Variants in NXPE4 observed in about 807,000 individuals in gnomAD.
NXPE4 encodes neurexophilin and PC-esterase domain family member 4, also known as NXPE family member 4.
A neutral mutation model predicts 33.3 loss-of-function variants in NXPE4; 42 were observed. That is an observed-to-expected ratio of 1.26 (90% CI 0.98 to 1.63). The LOEUF (loss-of-function observed/expected upper bound fraction) is 1.63. NXPE4 is among the 40% of genes most tolerant of loss of function. The pLI is 0.00. For missense variants in NXPE4, 709 were observed against 647.6 expected, an observed-to-expected ratio of 1.09 and a Z score of -1.03; for synonymous variants, 253 against 234.9, an observed-to-expected ratio of 1.08 and a Z score of -0.71.
chr11:114,597,887 G>T (rs559876228), upstream of NXPE4, among the ~76,000 whole-genome samples: 2 of 152,022 alleles, frequency 1.3e-5, no homozygotes, highest in Non-Finnish European at 2.9e-5. Flanking sequence ...TACAATCATT[G>T]TTCTCACATT....
the NXPE4 span, among the ~76,000 whole-genome samples, chr11:114,605,804 T>C: frequency 6.6e-6 from 1 of 151,634 alleles, no homozygotes; most frequent in Admixed American, 6.6e-5. Context: ...GCCTCTAGGG[T>C]TACCACTGTT....
chr11:114,587,336 G>A lies in NXPE4; in HGVS notation c.97-4315C>T, dbSNP rs1287330767. 4.6e-5 allele frequency among the ~76,000 whole-genome samples: 7 copies of A among 152,162 alleles called. No homozygotes were observed. In the South Asian group the frequency reaches 1.5e-3, roughly 32 times the overall value. On this transcript the variant is annotated intron_variant, in intron 2 of 5. Coordinates refer to ENST00000375478, the MANE Select transcript of NXPE4 (RefSeq NM_001077639.2). ...AAATAGTAAGAGGAATTTAATTCCG[G>A]AAGTTAACCAGAGCCACTGCCTAAG...
the NXPE4 span, among the ~76,000 whole-genome samples, chr11:114,624,734 C>G: frequency 0.016 from 2,412 of 152,184 alleles, 26 homozygotes; most frequent in Non-Finnish European, 0.022. Context: ...TAAGTATTGC[C>G]TCCAGGGTAA....
At chr11:114,602,678 A>C in the NXPE4 span, among the ~76,000 whole-genome samples, 1 of 141,936 alleles carries the variant, frequency 7.0e-6, no homozygotes, top group South Asian at 2.3e-4. Context: ...ACAGAATCAT[A>C]TGTAATAATT....
At chr11:114,598,577 T>C (rs1949604326), upstream of NXPE4, among the ~76,000 whole-genome samples, 1 of 152,252 alleles carries the variant, frequency 6.6e-6, no homozygotes, top group African/African-American at 2.4e-5. Flanking sequence ...TCTTGCACTC[T>C]GTGCACCTGC....
At chr11:114,668,661 T>C in the NXPE4 span, among the ~76,000 whole-genome samples, 3 of 151,998 alleles carry the variant, frequency 2.0e-5, no homozygotes, top group Admixed American at 2.0e-4. Flanking sequence ...ACTAGGAAGA[T>C]AAATGGGAGT....
At chr11:114,607,792 G>T in the NXPE4 span, among the ~76,000 whole-genome samples, 1 of 149,472 alleles carries the variant, frequency 6.7e-6, no homozygotes, top group South Asian at 2.1e-4. Flanking sequence ...ACACGGTGGA[G>T]AATAAGTGTT....
At chr11:114,674,576 C>CA in the NXPE4 span, among the ~76,000 whole-genome samples, 210 of 142,604 alleles carry the variant, frequency 1.5e-3, 3 homozygotes, top group East Asian at 0.013. Flanking sequence ...CATACCACCA[C>CA]AAAAAAAAAA....
At chr11:114,624,946 C>T in the NXPE4 span, among the ~76,000 whole-genome samples, 8 of 152,048 alleles carry the variant, frequency 5.3e-5, no homozygotes, top group Non-Finnish European at 1.0e-4. Context: ...CGTGTTGCCT[C>T]GTGAGTAACC....
the NXPE4 span, among the ~76,000 whole-genome samples, chr11:114,666,456 G>A: frequency 2.4e-4 from 36 of 151,982 alleles, no homozygotes; most frequent in African/African-American, 3.1e-4. Flanking sequence ...AGTATAAAAC[G>A]TGTATCCTCA....
the NXPE4 span, among the ~76,000 whole-genome samples, chr11:114,672,943 C>G: frequency 6.6e-6 from 1 of 151,092 alleles, no homozygotes; most frequent in Admixed American, 6.6e-5. Context: ...AAATTATAAG[C>G]CATCTAGACC....
the NXPE4 span, among the ~76,000 whole-genome samples, chr11:114,630,353 C>A: frequency 6.6e-6 from 1 of 151,788 alleles, no homozygotes; most frequent in Non-Finnish European, 1.5e-5. Flanking sequence ...GAACATAGCC[C>A]TCAGAAATAA....
rs1029077481 is a variant in NXPE4 at position 114,591,669 on chromosome 11, C to T, written c.96+2995G>A. On this transcript the variant is annotated intron_variant, in intron 2 of 5. Transcript: ENST00000375478. Reference sequence around the variant, plus strand: ...GTCAGAATATGGCAAGCTGTACTTTCCAGCCTCCAGCCAATGGAAAGTCCT... The same window carrying T: ...GTCAGAATATGGCAAGCTGTACTTTTCAGCCTCCAGCCAATGGAAAGTCCT... 2.0e-5 allele frequency among the ~76,000 whole-genome samples: 3 copies of T among 152,130 alleles called. No individual in the cohort carries two copies. The East Asian group carries it at 5.8e-4, about 29-fold the overall frequency.
At chr11:114,612,206 A>C in the NXPE4 span, among the ~76,000 whole-genome samples, 18 of 151,998 alleles carry the variant, frequency 1.2e-4, no homozygotes, top group African/African-American at 4.3e-4. Flanking sequence ...TACACGGTGG[A>C]GAATAAGTGT....
intron 5 of NXPE4, among the ~76,000 whole-genome samples, chr11:114,577,009 TTATA>T (rs56902026): frequency 0.64 from 73,545 of 115,670 alleles, 22,782 homozygotes; most frequent in East Asian, 0.76. Context: ...ATATATAAAG[TTATA>T]TATATATATA....
At chr11:114,583,775 G>A (rs1314614647) in intron 2 of NXPE4, 10 of 458,776 alleles carry the variant, frequency 2.2e-5, no homozygotes, top group East Asian at 1.1e-4. Context: ...GTATGTTGAC[G>A]TTGATATTCA....
At chr11:114,632,883 T>TAATTA in the NXPE4 span, among the ~76,000 whole-genome samples, 1 of 52,616 alleles carries the variant, frequency 1.9e-5, no homozygotes, top group Non-Finnish European at 3.3e-5. Flanking sequence ...TATAATTATA[T>TAATTA]ATTATATAAT....
chr11:114,634,620 C>G, the NXPE4 span, among the ~76,000 whole-genome samples: 1 of 151,968 alleles, frequency 6.6e-6, no homozygotes, highest in Non-Finnish European at 1.5e-5. Context: ...GTCTTTAATA[C>G]ATTTTGAATT....
the NXPE4 span, among the ~76,000 whole-genome samples, chr11:114,675,751 C>A: frequency 6.6e-6 from 1 of 151,780 alleles, no homozygotes; most frequent in Non-Finnish European, 1.5e-5. Flanking sequence ...AGTAATAATT[C>A]TGAAACTTAC....
Sources: gnomAD v4.1 joint callset for allele counts (sites outside exome capture counted in the v4.1 genomes callset) on GRCh38, gnomAD v4.1.1 for gene constraint, MANE v1.5 for transcripts, NCBI Gene and HGNC (gene_info 2026-07-23, HGNC 2026-07-21) for gene names.